CGNL1: variants seen among roughly 807,000 people sequenced by gnomAD.
CGNL1 encodes cingulin like 1, also known as cingulin-like protein 1.
CGNL1 carries 132 observed loss-of-function variants against 141.2 expected under a neutral mutation model. The ratio of observed to expected loss-of-function variants is 0.93; its 90% CI spans 0.81 to 1.08. The LOEUF is 1.08. Ranked by LOEUF, CGNL1 falls within the 50% of genes least tolerant of loss-of-function variation. CGNL1 has a pLI of 0.00. For synonymous variants in CGNL1, 690 were observed against 622.1 expected, an observed-to-expected ratio of 1.11 and a Z score of -1.63; for missense variants, 1,870 against 1,588.6, an observed-to-expected ratio of 1.18 and a Z score of -3.01.
rs147998969 is a variant in CGNL1, at chr15:57,439,471, G to C, written c.1472G>C (p.Ser491Thr). Residue 491 changes from serine to threonine, a missense_variant, in exon 2 of 19, where the codon AGT becomes ACT. By Grantham distance (58) the Ser-to-Thr change is moderately conservative (BLOSUM62 1). Transcript: ENST00000281282. ...VIRAPSLGAQ[S>T]KKEEEVKTAT... ...CGTGCGCCCTCCCTTGGTGCACAGA[G>C]TAAAAAGGAGGAGGAGGTGAAAACA... The C allele has an allele frequency of 6.2e-7, 1 of 1,614,100 alleles. No individual in the cohort carries two copies. Among genetic ancestry groups the C allele is most frequent in the African/African-American group, 1.3e-5 (1 of 74,930 alleles).
At chr15:57,516,598 C>CT (rs1231459219) in intron 8 of CGNL1, among the ~76,000 whole-genome samples, 182 bp from the exon 9 acceptor site, 24 of 152,290 alleles carry the variant, frequency 1.6e-4, no homozygotes, top group African/African-American at 5.8e-4. Context: ...TAACACTGCG[C>CT]TTTTCAAAAC....
At chr15:57,461,143 C>T (rs2063440544) in intron 7 of CGNL1, among the ~76,000 whole-genome samples, 1 of 152,092 alleles carries the variant, frequency 6.6e-6, no homozygotes, top group South Asian at 2.1e-4. Context: ...CTCATTAATA[C>T]CTGGCAGTTA....
chr15:57,378,382 T>TTTTTTTG (rs2062389824), intron 1 of CGNL1, among the ~76,000 whole-genome samples: 1 of 115,346 alleles, frequency 8.7e-6, no homozygotes, highest in Non-Finnish European at 1.8e-5. Flanking sequence ...TTTTTTTTTT[T>TTTTTTTG]TTTTTTTTTT....
At chr15:57,465,450 A>G (rs1995987) in intron 8 of CGNL1, among the ~76,000 whole-genome samples, 144,870 of 144,874 alleles carry the variant, frequency 1, 72,433 homozygotes, top group Middle Eastern at 1. Flanking sequence ...GAGTGAAGTA[A>G]AATGATCTCG....
At chr15:57,484,676 G>A (rs1340667984) in intron 8 of CGNL1, among the ~76,000 whole-genome samples, 2 of 152,020 alleles carry the variant, frequency 1.3e-5, no homozygotes, top group African/African-American at 4.8e-5. Flanking sequence ...TTTAAGCCCC[G>A]CATGCATTAG....
chr15:57,546,950 G>A (rs558242275), intron 18 of CGNL1, among the ~76,000 whole-genome samples: 1 of 152,256 alleles, frequency 6.6e-6, no homozygotes, highest in East Asian at 1.9e-4. Flanking sequence ...CCCAAGGTTG[G>A]CATTAGGGTG....
chr15:57,378,363 GTTTTTTTTTTTTTTT>G (rs71116514), intron 1 of CGNL1, among the ~76,000 whole-genome samples: 17 of 33,938 alleles, frequency 5.0e-4, no homozygotes, highest in South Asian at 4.0e-3. Flanking sequence ...CCCTCTATGT[GTTTTTTTTTTTTTTT>G]TTTTTTTTTT....
intron 1 of CGNL1, among the ~76,000 whole-genome samples, chr15:57,397,361 C>T (rs1595660146): frequency 6.6e-6 from 1 of 152,176 alleles, no homozygotes; most frequent in South Asian, 2.1e-4. Context: ...GTGGAGGCTG[C>T]CTCCATTTGG....
chr15:57,531,576 C>A, intron 13 of CGNL1, 114 bp from the exon 14 acceptor site: 1 of 700,798 alleles, frequency 1.4e-6, no homozygotes, highest in South Asian at 1.7e-5. Context: ...TTTCCAAACT[C>A]TAATGGTAGT....
At chr15:57,409,538 T>A (rs1940455594) in intron 1 of CGNL1, among the ~76,000 whole-genome samples, 1 of 152,096 alleles carries the variant, frequency 6.6e-6, no homozygotes, top group African/African-American at 2.4e-5. Context: ...TAGCTCTAAT[T>A]AGGGCCATGG....
At chr15:57,529,975 G>A (rs757747209) in intron 13 of CGNL1, among the ~76,000 whole-genome samples, 3 of 152,216 alleles carry the variant, frequency 2.0e-5, no homozygotes, top group Non-Finnish European at 4.4e-5. Flanking sequence ...TCCTGGCTCT[G>A]ATCTCTTTAG....
chr15:57,517,101 A>G (rs2140100387), intron 9 of CGNL1, 115 bp downstream of exon 9: 1 of 1,000,650 alleles, frequency 1.0e-6, no homozygotes. Context: ...GGAAAGGTCA[A>G]GGCAATAGTG....
intron 8 of CGNL1, 110 bp downstream of exon 8, chr15:57,462,002 C>A: frequency 1.3e-6 from 1 of 799,400 alleles, no homozygotes; most frequent in Non-Finnish European, 2.1e-6. Context: ...GAGTGAATCT[C>A]AATTCATCAG....
At chr15:57,435,946 T>C (rs1207715696) in intron 1 of CGNL1, among the ~76,000 whole-genome samples, 1 of 152,176 alleles carries the variant, frequency 6.6e-6, no homozygotes, top group Non-Finnish European at 1.5e-5. Context: ...TGGTAGAGAC[T>C]TCATTTTCTG....
chr15:57,448,365 A>AT (rs2063282242), intron 4 of CGNL1, among the ~76,000 whole-genome samples: 1 of 151,294 alleles, frequency 6.6e-6, no homozygotes, highest in Non-Finnish European at 1.5e-5. Flanking sequence ...TTAAAAAAAA[A>AT]GGGCCAGGCA....
intron 1 of CGNL1, among the ~76,000 whole-genome samples, chr15:57,389,260 C>G (rs572271013): frequency 2.0e-5 from 3 of 152,158 alleles, no homozygotes; most frequent in Middle Eastern, 3.4e-3. Context: ...AAGTTCCACT[C>G]CAGCCTGGGC....
chr15:57,494,682 C>T (rs1224107018), intron 8 of CGNL1, among the ~76,000 whole-genome samples: 1 of 152,192 alleles, frequency 6.6e-6, no homozygotes, highest in African/African-American at 2.4e-5. Context: ...GTGTGCATTA[C>T]ATTTTCCATC....
intron 10 of CGNL1, among the ~76,000 whole-genome samples, chr15:57,518,849 CCT>C (rs2031038468): frequency 6.6e-6 from 1 of 152,198 alleles, no homozygotes; most frequent in Non-Finnish European, 1.5e-5. Flanking sequence ...GGCGGAGAGC[CCT>C]CCGTTTAGAC....
chr15:57,424,107 T>C (rs1243547846), intron 1 of CGNL1, among the ~76,000 whole-genome samples: 1 of 152,202 alleles, frequency 6.6e-6, no homozygotes, highest in East Asian at 1.9e-4. Context: ...TGCCCACTCC[T>C]CTGCCCTTAG....
Sources: allele counts gnomAD v4.1 joint callset (sites outside exome capture counted in the v4.1 genomes callset), GRCh38; gene constraint gnomAD v4.1.1; transcripts MANE v1.5; gene names NCBI Gene and HGNC (gene_info 2026-07-23, HGNC 2026-07-21).